The following NPAS3 variants were observed in gnomAD, a reference collection of about 807,000 sequenced individuals.
NPAS3 encodes neuronal PAS domain protein 3, also known as neuronal PAS domain-containing protein 3.
NPAS3 carries 14 observed loss-of-function variants against 73.1 expected under a neutral mutation model. The observed-to-expected ratio is 0.19, with a 90% CI of 0.13 to 0.30. The LOEUF is 0.30. NPAS3 is among the 10% of genes least tolerant of loss of function. The pLI is 1.00. For missense variants in NPAS3, 1,096 were observed against 1,250.0 expected, an observed-to-expected ratio of 0.88 and a Z score of 1.86; for synonymous variants, 620 against 541.5, an observed-to-expected ratio of 1.14 and a Z score of -2.01.
chr14:33,615,614 T>C (rs2057890716), intron 5 of NPAS3, among the ~76,000 whole-genome samples: 1 of 152,218 alleles, frequency 6.6e-6, no homozygotes, highest in African/African-American at 2.4e-5. Flanking sequence ...AGTCCTGACT[T>C]ATCAGTTTGT....
At chr14:33,182,180 G>C (rs1462869857) in intron 2 of NPAS3, among the ~76,000 whole-genome samples, 1 of 152,186 alleles carries the variant, frequency 6.6e-6, no homozygotes, top group Non-Finnish European at 1.5e-5. Flanking sequence ...TTTTAAAGAA[G>C]ATGGCAATTG....
At chr14:33,185,428 G>T (rs911234969) in intron 2 of NPAS3, among the ~76,000 whole-genome samples, 4 of 152,100 alleles carry the variant, frequency 2.6e-5, no homozygotes, top group African/African-American at 9.7e-5. Flanking sequence ...TCAAATTTCT[G>T]CAGGGTACAC....
At chr14:33,711,593 C>T (rs1395095661) in intron 6 of NPAS3, among the ~76,000 whole-genome samples, 1 of 152,144 alleles carries the variant, frequency 6.6e-6, no homozygotes, top group Admixed American at 6.5e-5. Context: ...CTGCAGGATA[C>T]TTACAGTTGA....
At chr14:33,178,362 C>T (rs751940130) in intron 2 of NPAS3, among the ~76,000 whole-genome samples, 3 of 152,050 alleles carry the variant, frequency 2.0e-5, no homozygotes, top group African/African-American at 4.8e-5. Flanking sequence ...CATGAGCCAC[C>T]GCACCCGGCC....
chr14:33,197,062 A>G (rs919774866), intron 2 of NPAS3, among the ~76,000 whole-genome samples: 5 of 152,224 alleles, frequency 3.3e-5, no homozygotes, highest in African/African-American at 1.2e-4. Context: ...TTGGATTTCT[A>G]GTGACATGAG....
intron 3 of NPAS3, among the ~76,000 whole-genome samples, chr14:33,300,811 G>A (rs994040147): frequency 5.3e-5 from 8 of 152,110 alleles, no homozygotes; most frequent in South Asian, 2.1e-4. Flanking sequence ...GTTAGGGACC[G>A]TATCAGCTGT....
chr14:33,088,492 G>T (rs773553027), intron 2 of NPAS3, among the ~76,000 whole-genome samples: 2 of 152,222 alleles, frequency 1.3e-5, no homozygotes, highest in African/African-American at 4.8e-5. Flanking sequence ...GCTGGGGTTA[G>T]GGGTGCCCGC....
At chr14:33,197,858 G>A (rs10142025) in intron 2 of NPAS3, among the ~76,000 whole-genome samples, 32,160 of 152,210 alleles carry the variant, frequency 0.21, 3,853 homozygotes, top group South Asian at 0.38. Flanking sequence ...TGGTCTCACT[G>A]ACTTCAAGAA....
chr14:33,101,727 C>G (rs2042582841), intron 2 of NPAS3, among the ~76,000 whole-genome samples: 1 of 151,918 alleles, frequency 6.6e-6, no homozygotes, highest in Non-Finnish European at 1.5e-5. Flanking sequence ...CTTAATATGC[C>G]CTAATTTATG....
intron 2 of NPAS3, among the ~76,000 whole-genome samples, chr14:33,146,789 T>C (rs924645347): frequency 6.6e-6 from 1 of 152,152 alleles, no homozygotes; most frequent in South Asian, 2.1e-4. Flanking sequence ...ATGTCTAAGA[T>C]AGAGGTTTAC....
At chr14:33,573,039 A>T (rs918456668) in intron 5 of NPAS3, among the ~76,000 whole-genome samples, 142 of 151,934 alleles carry the variant, frequency 9.3e-4, no homozygotes, top group African/African-American at 3.4e-3. Flanking sequence ...AAAAAAAAAA[A>T]AAAAGTTAAT....
At chr14:33,057,303 A>G (rs894836537) in intron 2 of NPAS3, among the ~76,000 whole-genome samples, 3 of 151,908 alleles carry the variant, frequency 2.0e-5, no homozygotes, top group Non-Finnish European at 1.5e-5. Context: ...ATTGTTACTG[A>G]TCATCATTTT....
intron 1 of NPAS3, among the ~76,000 whole-genome samples, chr14:33,038,549 A>G (rs2040246543): frequency 6.6e-6 from 1 of 152,104 alleles, no homozygotes; most frequent in African/African-American, 2.4e-5. Context: ...ACATATATAT[A>G]TATAAAATGA....
intron 6 of NPAS3, among the ~76,000 whole-genome samples, chr14:33,717,762 T>C (rs2060997106): frequency 6.6e-6 from 1 of 152,104 alleles, no homozygotes; most frequent in Admixed American, 6.5e-5. Flanking sequence ...AAGTACATGG[T>C]CATAGACAAC....
intron 2 of NPAS3, among the ~76,000 whole-genome samples, chr14:33,136,511 G>C (rs779342162): frequency 6.6e-6 from 1 of 152,174 alleles, no homozygotes; most frequent in Non-Finnish European, 1.5e-5. Flanking sequence ...AATAATGACA[G>C]TAACTCAGTT....
chr14:33,215,560 C>G (rs1165232903), intron 3 of NPAS3, 134 bp downstream of exon 3: 5 of 1,005,680 alleles, frequency 5.0e-6, no homozygotes, highest in Non-Finnish European at 6.3e-6. Flanking sequence ...GAAATCTGAA[C>G]TCTGCATGAG....
intron 2 of NPAS3, among the ~76,000 whole-genome samples, chr14:33,200,692 A>G (rs1251336019): frequency 6.6e-6 from 1 of 152,160 alleles, no homozygotes; most frequent in African/African-American, 2.4e-5. Flanking sequence ...AAAAATCTGG[A>G]TTTTTGGCTT....
At position 33,507,348 on chromosome 14, in the gene NPAS3, C is replaced by G. The variant is rs545310709; in HGVS notation, c.469-52773C>G. Among the ~76,000 whole-genome samples, 3 of 152,036 alleles carry G rather than the reference C, an allele frequency of 2.0e-5. No individual in the cohort carries two copies. In the South Asian group the frequency reaches 6.2e-4, roughly 32 times the overall value. Reference sequence around the variant, plus strand: ...GATCAAATAGAAATAGAAATAAATACCTTAGACTGCCATCTTGTGCAGGAA... The same window carrying G: ...GATCAAATAGAAATAGAAATAAATAGCTTAGACTGCCATCTTGTGCAGGAA... On this transcript the variant is annotated intron_variant, in intron 4 of 11. Transcript: ENST00000356141.
intron 4 of NPAS3, among the ~76,000 whole-genome samples, chr14:33,444,181 C>G (rs1045512988): frequency 1.3e-5 from 2 of 152,172 alleles, no homozygotes; most frequent in African/African-American, 4.8e-5. Context: ...ATGCCTAAAA[C>G]TCAGGGCGTG....
Sources: gnomAD v4.1 joint callset for allele counts (sites outside exome capture counted in the v4.1 genomes callset) on GRCh38, gnomAD v4.1.1 for gene constraint, MANE v1.5 for transcripts, NCBI Gene and HGNC (gene_info 2026-07-23, HGNC 2026-07-21) for gene names.